Variants in ACKR2 observed in about 807,000 individuals in gnomAD.
The protein encoded by ACKR2 is atypical chemokine receptor 2.
For synonymous variants in ACKR2, 207 were observed against 192.2 expected (o/e 1.08, Z -0.64); for missense variants, 457 against 477.3 (o/e 0.96, Z 0.40).
chr3:42,837,067 A>G (rs114523282), intron 2 of ACKR2, among the ~76,000 whole-genome samples: 5,592 of 152,166 alleles, frequency 0.037, 177 homozygotes, highest in African/African-American at 0.083. Context: ...AATGTGCAAG[A>G]CCCTAGGATG....
intron 1 of ACKR2, among the ~76,000 whole-genome samples, chr3:42,818,406 T>A (rs1700775176): frequency 6.6e-6 from 1 of 152,194 alleles, no homozygotes. Context: ...TATGAAGATC[T>A]AGGGGAAGAG....
intron 2 of ACKR2, among the ~76,000 whole-genome samples, chr3:42,827,167 T>C (rs1193606504): frequency 6.6e-6 from 1 of 152,240 alleles, no homozygotes; most frequent in Non-Finnish European, 1.5e-5. Flanking sequence ...ATGCTGTATG[T>C]GCACCTGAGA....
intron 2 of ACKR2, among the ~76,000 whole-genome samples, chr3:42,838,725 C>T (rs1197233133): frequency 2.0e-5 from 3 of 152,150 alleles, no homozygotes; most frequent in African/African-American, 4.8e-5. Context: ...AAATGAAAAC[C>T]TATGTTCACA....
At position 42,866,500 on chromosome 3, in the gene ACKR2, C is replaced by T. The variant is rs1429731445; in HGVS notation, c.*843C>T. On this transcript the variant is annotated 3_prime_UTR_variant, in exon 3 of 3. Transcript: ENST00000422265. ...CTAATTTTTGTGTTTTTATTAGAAA[C>T]AGAGTTTCACCATGTTGGCCAGGCT... 1 of 166,880 alleles carries T rather than the reference C, an allele frequency of 6.0e-6. No homozygotes were observed. Among genetic ancestry groups the T allele is most frequent in the Non-Finnish European group, 1.5e-5 (1 of 68,140 alleles). 10.3% of individuals were successfully genotyped at this position (166,880 alleles called of 1,614,324 possible).
chr3:42,821,717 G>C (rs1262103391), intron 2 of ACKR2, among the ~76,000 whole-genome samples: 1 of 150,514 alleles, frequency 6.6e-6, no homozygotes. Context: ...TTTTTTTTTA[G>C]AGAGAGTCTC....
chr3:42,842,363 T>C (rs1340703208), intron 2 of ACKR2, among the ~76,000 whole-genome samples: 1 of 152,214 alleles, frequency 6.6e-6, no homozygotes, highest in Non-Finnish European at 1.5e-5. Flanking sequence ...ATTTAAGTTT[T>C]AAAGAGTGGT....
chr3:42,820,850 G>C lies in ACKR2; in HGVS notation c.-38+1139G>C, dbSNP rs76510967. ...CAGCTTGTGAGTTCTCTAGGAATTGGGTGGGTTATTGCTTAAGGACAGTTC... is the reference window on the plus strand; with the variant it reads ...CAGCTTGTGAGTTCTCTAGGAATTGCGTGGGTTATTGCTTAAGGACAGTTC... On this transcript the variant is annotated intron_variant, in intron 2 of 2. Transcript: ENST00000422265. 1.1e-4 allele frequency among the ~76,000 whole-genome samples: 17 copies of C among 151,830 alleles called. 1 individual carries two copies. The East Asian group carries it at 3.3e-3, about 29-fold the overall frequency.
intron 2 of ACKR2, among the ~76,000 whole-genome samples, chr3:42,846,271 A>G (rs960467332): frequency 2.0e-5 from 3 of 152,170 alleles, no homozygotes; most frequent in Non-Finnish European, 4.4e-5. Context: ...TGATAAAGTG[A>G]AGGGGTGGTC....
At chr3:42,844,084 G>A (rs2125615005) in intron 2 of ACKR2, 1 of 152,276 alleles carries the variant, frequency 6.6e-6, no homozygotes, top group East Asian at 1.9e-4. Context: ...GCATTGGAGG[G>A]GAAATAGCCC....
At chr3:42,855,321 C>T (rs537723073) in intron 2 of ACKR2, among the ~76,000 whole-genome samples, 113 of 152,290 alleles carry the variant, frequency 7.4e-4, no homozygotes, top group African/African-American at 2.4e-3. Flanking sequence ...TTGCTTTGCT[C>T]CTGGGTTAAA....
chr3:42,860,776 G>A (rs1377646516), intron 2 of ACKR2, among the ~76,000 whole-genome samples: 1 of 152,160 alleles, frequency 6.6e-6, no homozygotes, highest in African/African-American at 2.4e-5. Flanking sequence ...GGTAAATAAT[G>A]AAGTGAAGGC....
intron 2 of ACKR2, chr3:42,841,551 A>G (rs1172448919): frequency 1.3e-5 from 2 of 152,176 alleles, no homozygotes; most frequent in Non-Finnish European, 2.9e-5. Flanking sequence ...TTTGCTGGAA[A>G]CCTGCCTGTG....
intron 2 of ACKR2, among the ~76,000 whole-genome samples, chr3:42,821,506 C>A (rs1471370327): frequency 2.0e-5 from 3 of 152,004 alleles, no homozygotes; most frequent in Admixed American, 6.6e-5. Context: ...GTATTATTAC[C>A]CCCATTTTAT....
At chr3:42,841,312 CTA>C (rs1263284777) in intron 2 of ACKR2, among the ~76,000 whole-genome samples, 1 of 152,148 alleles carries the variant, frequency 6.6e-6, no homozygotes, top group African/African-American at 2.4e-5. Context: ...TGAAATGAAA[CTA>C]TCAGGGATTT....
rs1248542136 is a variant in ACKR2, at chr3:42,864,959, C to A, written c.457C>A (p.His153Asn). ...YLEIVHAQPY[H>N]RLRTRAKSLL... ...GGAGATCGTTCATGCTCAGCCCTAC[C>A]ACAGGCTGAGGACCCGGGCCAAGAG... The change falls in exon 3 of 3, where the codon CAC (histidine) becomes AAC (asparagine). Residue 153 changes from histidine (H) to asparagine (N), a missense_variant. Transcript: ENST00000422265. 1 of 1,614,022 alleles carries A rather than the reference C, an allele frequency of 6.2e-7. No individual in the cohort carries two copies. Among genetic ancestry groups the A allele is most frequent in the East Asian group, 2.2e-5 (1 of 44,892 alleles).
intron 2 of ACKR2, among the ~76,000 whole-genome samples, chr3:42,856,930 G>C (rs1484883895): frequency 1.1e-5 from 1 of 92,162 alleles, no homozygotes; most frequent in Non-Finnish European, 2.8e-5. Context: ...CTAATTCTTA[G>C]TTCATGACAT....
At chr3:42,816,796 G>A (rs2125602599) in intron 1 of ACKR2, among the ~76,000 whole-genome samples, 1 of 152,118 alleles carries the variant, frequency 6.6e-6, no homozygotes, top group Non-Finnish European at 1.5e-5. Context: ...TACCTCAGGT[G>A]ATCTGCCCAC....
chr3:42,818,190 T>C (rs1700773119), intron 1 of ACKR2, among the ~76,000 whole-genome samples: 1 of 152,182 alleles, frequency 6.6e-6, no homozygotes, highest in Non-Finnish European at 1.5e-5. Context: ...GTTAACCATC[T>C]CTCTCCTCCC....
chr3:42,823,625 C>G (rs1303602613), intron 2 of ACKR2, among the ~76,000 whole-genome samples: 1 of 152,158 alleles, frequency 6.6e-6, no homozygotes, highest in African/African-American at 2.4e-5. Flanking sequence ...CTCTTCTAAG[C>G]CATGCAATCA....
Sources: gnomAD v4.1 joint callset for allele counts (sites outside exome capture counted in the v4.1 genomes callset) on GRCh38, gnomAD v4.1.1 for gene constraint, MANE v1.5 for transcripts, NCBI Gene and HGNC (gene_info 2026-07-23, HGNC 2026-07-21) for gene names.